ERCC6: variants seen among roughly 807,000 people sequenced by gnomAD.
ERCC6 encodes DNA excision repair protein ERCC-6.
In ERCC6, 116 loss-of-function variants were observed where a neutral mutation model predicts 158.7. That is an observed-to-expected ratio of 0.73 (90% CI 0.63 to 0.85). The LOEUF is 0.85. Ranked by LOEUF, ERCC6 falls within the 40% of genes least tolerant of loss-of-function variation. ERCC6 has a pLI of 0.00. For missense variants in ERCC6, 1,698 were observed against 1,799.4 expected, an observed-to-expected ratio of 0.94 and a Z score of 1.02; for synonymous variants, 678 against 659.3, an observed-to-expected ratio of 1.03 and a Z score of -0.43.
At chr10:49,452,297 T>C (rs561231014), downstream of ERCC6, among the ~76,000 whole-genome samples, 1 of 152,178 alleles carries the variant, frequency 6.6e-6, no homozygotes, top group Admixed American at 6.5e-5. Context: ...TGTCTTAATT[T>C]TCATTAGCCT....
chr10:49,532,520 GGAA>G lies in ERCC6; in HGVS notation c.422+20_422+22del. On this transcript the variant is annotated intron_variant, in intron 2 of 20. Coordinates refer to ENST00000355832, the MANE Select transcript of ERCC6 (RefSeq NM_000124.4). ...GTCATGTTTTACCACCACTTTGAAA[GGAA>G]GAAGATGGGCTGCACTCACGTGAGG... is the stretch of plus-strand genomic sequence containing the variant. The G allele has an allele frequency of 5.6e-6, 9 of 1,612,334 alleles. No homozygotes were observed. The highest frequency in any genetic ancestry group is 6.8e-6 in the Non-Finnish European group (8 of 1,180,016).
the ERCC6 span, among the ~76,000 whole-genome samples, chr10:49,446,511 C>T: frequency 6.6e-6 from 1 of 152,218 alleles, no homozygotes; most frequent in Non-Finnish European, 1.5e-5. Context: ...CACAGTGCCT[C>T]ATACATGTAA....
Position 49,515,241 on chromosome 10 carries a change from C to T in ERCC6, c.1397+8792G>A, listed in dbSNP as rs4253075. The T allele has an allele frequency of 4.7e-3, 6,832 of 1,450,294 alleles. 260 individuals are homozygous for T. The African/African-American group carries it at 0.081, about 17-fold the overall frequency. 89.8% of individuals were successfully genotyped at this position (1,450,294 alleles called of 1,614,324 possible). On this transcript the variant is annotated intron_variant, in intron 5 of 20. Coordinates refer to ENST00000355832, the MANE Select transcript of ERCC6 (RefSeq NM_000124.4). ...TTTATTATGTTCCATTGTTATGTGACGTTCCAAAATTGGAACACTAGGCAA... is the reference window on the plus strand; with the variant it reads ...TTTATTATGTTCCATTGTTATGTGATGTTCCAAAATTGGAACACTAGGCAA...
At chr10:49,435,417 C>T in the ERCC6 span, among the ~76,000 whole-genome samples, 5 of 152,146 alleles carry the variant, frequency 3.3e-5, no homozygotes, top group African/African-American at 9.7e-5. Context: ...TGATCAGTTG[C>T]TAAGCAACAA....
At chr10:49,532,415 A>C in intron 2 of ERCC6, 128 bp downstream of exon 2, 1 of 1,442,112 alleles carries the variant, frequency 6.9e-7, no homozygotes, top group South Asian at 1.2e-5. Flanking sequence ...GCCCTTATTG[A>C]CTCTGTCCTC....
At chr10:49,444,766 G>A in the ERCC6 span, among the ~76,000 whole-genome samples, 5 of 152,114 alleles carry the variant, frequency 3.3e-5, no homozygotes, top group African/African-American at 1.2e-4. Flanking sequence ...ATAAAAAGGT[G>A]GAGTATTTCC....
chr10:49,515,228 C>A, intron 5 of ERCC6: 1 of 1,386,298 alleles, frequency 7.2e-7, no homozygotes, highest in Non-Finnish European at 9.3e-7. Context: ...TATTATGTTC[C>A]ATTGTTATGT....
chr10:49,524,915 T>C, intron 4 of ERCC6, 138 bp from the exon 5 acceptor site: 2 of 1,518,862 alleles, frequency 1.3e-6, no homozygotes, highest in Admixed American at 2.0e-5. Context: ...TACTAAAGCA[T>C]GTTACATATG....
At chr10:49,526,886 A>G (rs74800786) in intron 4 of ERCC6, among the ~76,000 whole-genome samples, 3,601 of 152,300 alleles carry the variant, frequency 0.024, 153 homozygotes, top group African/African-American at 0.081. Context: ...TGTATAAGGT[A>G]CTAGTAGAAC....
Position 49,512,643 on chromosome 10 carries a change from A to T in ERCC6, c.1398-6631T>A, listed in dbSNP as rs149645921. On this transcript the variant is annotated intron_variant, in intron 5 of 20. Transcript: ENST00000355832. ...ACAGCCCTTATCCAAAATGCTTGGG[A>T]CAAGAAGTGTTTTGGATTTTGGAAT... Among the ~76,000 whole-genome samples the T allele has an allele frequency of 3.3e-5, 5 of 152,338 alleles. No individual in the cohort carries two copies. In the East Asian group the frequency reaches 9.6e-4, roughly 29 times the overall value.
chr10:49,529,331 C>T (rs1278395766), intron 3 of ERCC6, among the ~76,000 whole-genome samples: 1 of 152,224 alleles, frequency 6.6e-6, no homozygotes, highest in Non-Finnish European at 1.5e-5. Context: ...GTCTAAAGCA[C>T]TTTCCCTCTG....
At chr10:49,449,305 AT>A (rs929688338), downstream of ERCC6, among the ~76,000 whole-genome samples, 1 of 152,094 alleles carries the variant, frequency 6.6e-6, no homozygotes, top group African/African-American at 2.4e-5. Context: ...TCCTTTGTCC[AT>A]TTTTAAAGTT....
intron 5 of ERCC6, among the ~76,000 whole-genome samples, chr10:49,513,853 TC>T (rs1836875854): frequency 6.6e-6 from 1 of 150,548 alleles, no homozygotes; most frequent in African/African-American, 2.4e-5. Flanking sequence ...TCTCTCTCTC[TC>T]TCTTTTTTTT....
chr10:49,458,148 G>C lies in ERCC6; in HGVS notation c.*667C>G, dbSNP rs1278427467. Reference sequence around the variant, plus strand: ...AGAAAAAGATGCCCTCTGCTTAAAGGAAAGCCAGGGTAAACTGAATACCCT... The same window carrying C: ...AGAAAAAGATGCCCTCTGCTTAAAGCAAAGCCAGGGTAAACTGAATACCCT... On this transcript the variant is annotated 3_prime_UTR_variant, in exon 21 of 21. Coordinates refer to ENST00000355832, the MANE Select transcript of ERCC6 (RefSeq NM_000124.4). 4 of 152,224 alleles carry C rather than the reference G, an allele frequency of 2.6e-5. No homozygotes were observed. The East Asian group carries it at 7.7e-4, about 29-fold the overall frequency. The allele number at this position is 152,224 out of a possible 1,614,324, so 9.4% of individuals were successfully genotyped here.
At chr10:49,446,277 G>A in the ERCC6 span, among the ~76,000 whole-genome samples, 1 of 150,510 alleles carries the variant, frequency 6.6e-6, no homozygotes, top group Non-Finnish European at 1.5e-5. Context: ...TTACTGTGAG[G>A]GAGAGCCAGC....
In ERCC6 at chr10:49,482,759, C is replaced by CG. The variant is rs774791374; in HGVS notation, c.2096dup (p.Leu700ValfsTer60). The CG allele has an allele frequency of 6.2e-6, 10 of 1,613,798 alleles. No homozygotes were observed. The highest frequency in any genetic ancestry group is 8.5e-6 in the Non-Finnish European group (10 of 1,179,962). On this transcript the variant is annotated frameshift_variant, in exon 10 of 21. Transcript: ENST00000355832. LOFTEE classifies it high-confidence loss of function. Reference sequence around the variant, plus strand: ...AGAACTGCTCCATAAACACAGGCAACGTGCCTAACTTTCCCGGGAAGATGA... The same window carrying CG: ...AGAACTGCTCCATAAACACAGGCAACGGTGCCTAACTTTCCCGGGAAGATGA...
chr10:49,448,054 C>T, the ERCC6 span, among the ~76,000 whole-genome samples: 1 of 152,144 alleles, frequency 6.6e-6, no homozygotes, highest in African/African-American at 2.4e-5. Flanking sequence ...GAATATTCCA[C>T]AAAGTATAAT....
chr10:49,499,617 G>C (rs1207142122), intron 7 of ERCC6, among the ~76,000 whole-genome samples: 1 of 152,122 alleles, frequency 6.6e-6, no homozygotes, highest in East Asian at 1.9e-4. Context: ...TGAAACACAA[G>C]GAGCTCGGAC....
intron 5 of ERCC6, among the ~76,000 whole-genome samples, chr10:49,507,808 C>T (rs1284530072): frequency 2.6e-5 from 4 of 152,154 alleles, no homozygotes; most frequent in African/African-American, 4.8e-5. Flanking sequence ...CCACACAGGA[C>T]AGCCCCCAAA....
Sources: gnomAD v4.1 joint callset for allele counts (sites outside exome capture counted in the v4.1 genomes callset) on GRCh38, gnomAD v4.1.1 for gene constraint, MANE v1.5 for transcripts, NCBI Gene and HGNC (gene_info 2026-07-23, HGNC 2026-07-21) for gene names.